P2RX1: variants seen among roughly 807,000 people sequenced by gnomAD.
P2RX1 encodes P2X purinoceptor 1.
P2RX1 carries 42 observed loss-of-function variants against 50.3 expected under a neutral mutation model. The observed-to-expected ratio is 0.83, with a 90% CI of 0.65 to 1.08. The LOEUF (loss-of-function observed/expected upper bound fraction) is 1.08. P2RX1 is among the 50% of genes least tolerant of loss of function. P2RX1 has a pLI of 0.00. For missense variants in P2RX1, 449 were observed against 529.0 expected (o/e 0.85, Z 1.48); for synonymous variants, 199 against 202.6 (o/e 0.98, Z 0.15).
rs1465691016 is a variant in P2RX1, at chr17:3,914,420, G to A, written c.137+1669C>T. Among the ~76,000 whole-genome samples, 3 of 152,126 alleles carry A rather than the reference G, an allele frequency of 2.0e-5. No individual in the cohort carries two copies. Among genetic ancestry groups the A allele is most frequent in the Non-Finnish European group, 2.9e-5 (2 of 68,016 alleles). On this transcript the variant is annotated intron_variant, in intron 1 of 11. Transcript: ENST00000225538. The surrounding 1 kb of genome is among the most constrained non-coding windows in gnomAD (Gnocchi z 4.1). ...GGCAGCAGCTTGGGGCATAGGCTAC[G>A]GCTGGGAATGGGTGGGTCCCTCCAA...
At chr17:3,912,796 G>A (rs1475884631) in intron 1 of P2RX1, among the ~76,000 whole-genome samples, 2 of 152,152 alleles carry the variant, frequency 1.3e-5, no homozygotes, top group Non-Finnish European at 2.9e-5. Context: ...ACGGTCCCTG[G>A]ATGTGTTTCT....
intron 7 of P2RX1, among the ~76,000 whole-genome samples, chr17:3,902,930 T>A (rs1391771838): frequency 6.6e-6 from 1 of 151,908 alleles, no homozygotes; most frequent in East Asian, 1.9e-4. Flanking sequence ...ATCTAGTTTT[T>A]TTTTTTTTTT....
chr17:3,903,607 C>T lies in P2RX1; in HGVS notation c.549G>A (p.Glu183=). The change falls in exon 6 of 12, where the codon GAG becomes GAA. Residue 183 remains glutamate, a synonymous_variant. Transcript: ENST00000225538. The surrounding 1 kb of genome is among the most constrained non-coding windows in gnomAD (Gnocchi z 4.6). ...TGTTCTTGATGAAAAGAGTGAAGTT[C>T]TCGGCCTCTCGGAGAAGGGCAGGGC... ...IPRPALLREA[E]NFTLFIKNSI... 6.2e-7 allele frequency: 1 copy of T among 1,614,150 alleles called. No individual in the cohort carries two copies. The highest frequency in any genetic ancestry group is 8.5e-7 in the Non-Finnish European group (1 of 1,180,026).
In P2RX1 at chr17:3,903,677, C is replaced by T; in HGVS notation, c.525-46G>A. ...TCACCGCCCCTCCCCAGGAGGCCCC[C>T]TGTGTGTCCCACACAGAGCTTGGCA... is the stretch of plus-strand genomic sequence containing the variant. On this transcript the variant is annotated intron_variant, in intron 5 of 11. Transcript: ENST00000225538. The surrounding 1 kb of genome is among the most constrained non-coding windows in gnomAD (Gnocchi z 4.6). The T allele has an allele frequency of 1.3e-6, 2 of 1,582,906 alleles. No homozygotes were observed. The highest frequency in any genetic ancestry group is 1.1e-5 in the South Asian group (1 of 90,452).
rs112948347 is a variant in P2RX1, at chr17:3,910,480, A to G, written c.138-5113T>C. 4.5e-3 allele frequency among the ~76,000 whole-genome samples: 682 copies of G among 152,308 alleles called. 5 individuals are homozygous for G. Among genetic ancestry groups the G allele is most frequent in the African/African-American group, 0.016 (653 of 41,568 alleles). ...CCCATCATGCCCCCACATTCATTGG[A>G]TCCCCCAGTCCTTCTGGTCCTCCCT... is the stretch of plus-strand genomic sequence containing the variant. On this transcript the variant is annotated intron_variant, in intron 1 of 11. Coordinates refer to ENST00000225538, the MANE Select transcript of P2RX1 (RefSeq NM_002558.4).
At chr17:3,909,274 C>G (rs959517036) in intron 1 of P2RX1, among the ~76,000 whole-genome samples, 3 of 152,142 alleles carry the variant, frequency 2.0e-5, no homozygotes, top group Admixed American at 2.0e-4. Flanking sequence ...TCGTGATCCG[C>G]CCGCCTCGGC....
chr17:3,899,605 G>T, intron 8 of P2RX1, 29 bp downstream of exon 8: 1 of 1,611,288 alleles, frequency 6.2e-7, no homozygotes, highest in South Asian at 1.1e-5. Context: ...CCACAAGGAA[G>T]AATGTGCTGC....
At chr17:3,907,319 G>GTGTGTA (rs1461313971) in intron 1 of P2RX1, among the ~76,000 whole-genome samples, 4 of 151,644 alleles carry the variant, frequency 2.6e-5, no homozygotes, top group African/African-American at 9.7e-5. Context: ...GTGTGTGTGT[G>GTGTGTA]TGTGTGTGTT....
At position 3,903,488 on chromosome 17, in the gene P2RX1, G is replaced by A. The variant is rs768172584; in HGVS notation, c.605+63C>T. On this transcript the variant is annotated intron_variant, in intron 6 of 11. Transcript: ENST00000225538. This position sits in a 1 kb window ranked among gnomAD's most constrained non-coding sequence, Gnocchi z 4.6. The stretch of plus-strand genomic sequence containing the variant: ...GCAGGAATGGAGGGAGACAGAGACA[G>A]CTGAGAGCTGCCGGAGCGGCCCCGG... The A allele has an allele frequency of 2.5e-6, 4 of 1,593,450 alleles. No individual in the cohort carries two copies. The highest frequency in any genetic ancestry group is 3.4e-6 in the Non-Finnish European group (4 of 1,162,376).
At chr17:3,905,776 G>A (rs2056250804) in intron 1 of P2RX1, among the ~76,000 whole-genome samples, 1 of 151,120 alleles carries the variant, frequency 6.6e-6, no homozygotes, top group Non-Finnish European at 1.5e-5. Flanking sequence ...GAACCCAGGA[G>A]CCGGAGGTTG....
Position 3,903,061 on chromosome 17 carries a change from G to T in P2RX1, c.747+141C>A. 8.6e-7 allele frequency: 1 copy of T among 1,164,110 alleles called. No individual in the cohort carries two copies. Among genetic ancestry groups the T allele is most frequent in the Non-Finnish European group, 1.2e-6 (1 of 810,092 alleles). The allele number at this position is 1,164,110 out of a possible 1,614,324, so 72.1% of individuals were successfully genotyped here. ...TGAAGACATGGATCTGACGCTCAGG[G>T]GGCCCCAGTATCAGGGGACAGACCC... is the stretch of plus-strand genomic sequence containing the variant. On this transcript the variant is annotated intron_variant, in intron 7 of 11. Coordinates refer to ENST00000225538, the MANE Select transcript of P2RX1 (RefSeq NM_002558.4). This position sits in a 1 kb window ranked among gnomAD's most constrained non-coding sequence, Gnocchi z 4.6.
intron 1 of P2RX1, 194 bp downstream of exon 1, chr17:3,915,895 T>A (rs1211506529): frequency 5.4e-6 from 4 of 743,902 alleles, no homozygotes; most frequent in Middle Eastern, 2.3e-4. Context: ...GGGCAGGGCT[T>A]CCCCTCCGGC....
chr17:3,911,892 T>G (rs2056371827), intron 1 of P2RX1, among the ~76,000 whole-genome samples: 1 of 152,170 alleles, frequency 6.6e-6, no homozygotes, highest in Non-Finnish European at 1.5e-5. Flanking sequence ...TCCGTTTCCT[T>G]GACTGCAATG....
intron 1 of P2RX1, among the ~76,000 whole-genome samples, chr17:3,913,099 C>A (rs918704409): frequency 2.0e-5 from 3 of 151,672 alleles, no homozygotes; most frequent in Admixed American, 1.3e-4. Flanking sequence ...GAGAGCTCAT[C>A]AGCTCTTCGG....
intron 9 of P2RX1, 115 bp from the exon 10 acceptor site, chr17:3,898,664 C>T (rs1204447039): frequency 8.4e-6 from 7 of 830,396 alleles, no homozygotes; most frequent in Admixed American, 2.0e-5. Context: ...GTCCCCACCT[C>T]GGACTCTACA....
chr17:3,903,453 T>G lies in P2RX1; in HGVS notation c.605+98A>C. 9 of 1,589,504 alleles carry G rather than the reference T, an allele frequency of 5.7e-6. No individual in the cohort carries two copies. Among genetic ancestry groups the G allele is most frequent in the Non-Finnish European group, 7.8e-6 (9 of 1,160,562 alleles). ...GGCTCCACATTGCCCCTTTGATTCC[T>G]TCCACGCCAGCAGGAATGGAGGGAG... On this transcript the variant is annotated intron_variant, in intron 6 of 11. Coordinates refer to ENST00000225538, the MANE Select transcript of P2RX1 (RefSeq NM_002558.4). This position sits in a 1 kb window ranked among gnomAD's most constrained non-coding sequence, Gnocchi z 4.6.
rs531701659 is a variant in P2RX1 at position 3,916,402 on chromosome 17, T to C, written c.-177A>G. ...GGAGCCAGAGGTCAGCTGGAGGCACTTGGGTTGGAGAGAGAATCCCTGGGT... is the reference window on the plus strand; with the variant it reads ...GGAGCCAGAGGTCAGCTGGAGGCACCTGGGTTGGAGAGAGAATCCCTGGGT... On this transcript the variant is annotated 5_prime_UTR_variant, in exon 1 of 12. Coordinates refer to ENST00000225538, the MANE Select transcript of P2RX1 (RefSeq NM_002558.4). The C allele has an allele frequency of 7.6e-6, 5 of 654,524 alleles. No individual in the cohort carries two copies. The highest frequency in any genetic ancestry group is 2.7e-5 in the East Asian group (1 of 36,520). 40.5% of individuals were successfully genotyped at this position (654,524 alleles called of 1,614,324 possible). A position where few individuals can be genotyped will look rare whatever the true frequency, so the allele number is the denominator to read the frequency against.
At chr17:3,911,590 C>G (rs1369508793) in intron 1 of P2RX1, among the ~76,000 whole-genome samples, 1 of 151,862 alleles carries the variant, frequency 6.6e-6, no homozygotes, top group Non-Finnish European at 1.5e-5. Flanking sequence ...CCTCCGGTCC[C>G]CACGCCCACC....
chr17:3,915,850 C>T, intron 1 of P2RX1: 1 of 660,742 alleles, frequency 1.5e-6, no homozygotes, highest in Non-Finnish European at 2.8e-6. Context: ...TCCTCAGAAC[C>T]CAGAGACTCT....
Sources: allele counts gnomAD v4.1 joint callset (sites outside exome capture counted in the v4.1 genomes callset), GRCh38; gene constraint gnomAD v4.1.1; non-coding constraint Gnocchi (gnomAD v3.1); transcripts MANE v1.5; gene names NCBI Gene and HGNC (gene_info 2026-07-23, HGNC 2026-07-21).